BNC2: variants seen among roughly 807,000 people sequenced by gnomAD.
BNC2 encodes the protein basonuclin zinc finger protein 2.
BNC2 carries 20 observed loss-of-function variants against 76.3 expected under a neutral mutation model. That is an observed-to-expected ratio of 0.26 (90% CI 0.18 to 0.38). BNC2 has a LOEUF of 0.38. BNC2 is among the 10% of genes least tolerant of loss of function. BNC2 has a pLI of 1.00. For synonymous variants in BNC2, 582 were observed against 514.8 expected (o/e 1.13, Z -1.77); for missense variants, 1,382 against 1,399.8 (o/e 0.99, Z 0.20).
intron 1 of BNC2, among the ~76,000 whole-genome samples, chr9:16,861,205 T>TATA (rs1241413014): frequency 1.4e-5 from 2 of 141,518 alleles, no homozygotes; most frequent in African/African-American, 2.7e-5. Flanking sequence ...TATATATAAA[T>TATA]TAACCAGGCA....
intron 5 of BNC2, among the ~76,000 whole-genome samples, chr9:16,457,860 C>G (rs1821488291): frequency 1.3e-5 from 2 of 152,096 alleles, no homozygotes; most frequent in Non-Finnish European, 1.5e-5. Context: ...CCTGCTAACC[C>G]TTTTTTCCAC....
chr9:16,555,054 C>A (rs1818781626), intron 4 of BNC2, among the ~76,000 whole-genome samples: 1 of 147,836 alleles, frequency 6.8e-6, no homozygotes, highest in Non-Finnish European at 1.5e-5. Flanking sequence ...GAGTCTCGCT[C>A]TGTCGCCCAG....
chr9:16,819,227 A>C (rs903015608), intron 1 of BNC2, among the ~76,000 whole-genome samples: 2 of 152,246 alleles, frequency 1.3e-5, no homozygotes, highest in African/African-American at 4.8e-5. Flanking sequence ...GATTTTATTA[A>C]TTCAGGTATA....
intron 5 of BNC2, among the ~76,000 whole-genome samples, chr9:16,475,135 G>C (rs1821901983): frequency 6.6e-6 from 1 of 152,174 alleles, no homozygotes. Flanking sequence ...GAAAATAGCA[G>C]AGAATCTATT....
chr9:16,691,739 G>A (rs1327601366), intron 3 of BNC2, among the ~76,000 whole-genome samples: 2 of 151,172 alleles, frequency 1.3e-5, no homozygotes, highest in African/African-American at 4.9e-5. Context: ...TCGATCTCCT[G>A]ACCTCATGAT....
chr9:16,465,898 TTG>T (rs1223976819), intron 5 of BNC2, among the ~76,000 whole-genome samples: 1 of 150,600 alleles, frequency 6.6e-6, no homozygotes, highest in Non-Finnish European at 1.5e-5. Context: ...TTGTCCCTGT[TTG>T]CAGACGACAT....
chr9:16,595,687 A>G (rs544799885), intron 3 of BNC2, among the ~76,000 whole-genome samples: 83 of 152,284 alleles, frequency 5.5e-4, no homozygotes, highest in African/African-American at 1.9e-3. Context: ...GTGTGCTAGT[A>G]TGCTGAAAAA....
chr9:16,706,770 A>T lies in BNC2; in HGVS notation c.330+21027T>A, dbSNP rs185674785. Among the ~76,000 whole-genome samples, 748 of 152,120 alleles carry T rather than the reference A, an allele frequency of 4.9e-3. 1 individual carries two copies. Among genetic ancestry groups the T allele is most frequent in the East Asian group, 0.028 (147 of 5,166 alleles). On this transcript the variant is annotated intron_variant, in intron 3 of 6. Transcript: ENST00000380672. ...CATGAGAGGACAGCAATTAATTTTTAAAAAAAAGGAATTATACTTGACTGG... is the reference window on the plus strand; with the variant it reads ...CATGAGAGGACAGCAATTAATTTTTTAAAAAAAGGAATTATACTTGACTGG...
At chr9:16,708,396 T>C (rs562747727) in intron 3 of BNC2, among the ~76,000 whole-genome samples, 1 of 152,324 alleles carries the variant, frequency 6.6e-6, no homozygotes, top group South Asian at 2.1e-4. Flanking sequence ...CATACGTTAA[T>C]TTATTCTGCT....
At chr9:16,432,755 G>A (rs1820931547) in intron 6 of BNC2, among the ~76,000 whole-genome samples, 1 of 152,168 alleles carries the variant, frequency 6.6e-6, no homozygotes, top group Non-Finnish European at 1.5e-5. Context: ...AGGACAGCAG[G>A]ATTAAAGACA....
At chr9:16,427,905 C>A (rs1278102945) in intron 6 of BNC2, among the ~76,000 whole-genome samples, 1 of 152,168 alleles carries the variant, frequency 6.6e-6, no homozygotes, top group African/African-American at 2.4e-5. Flanking sequence ...GAACACCCGT[C>A]ATGAGAATAT....
At chr9:16,829,144 C>T (rs1818523284) in intron 1 of BNC2, among the ~76,000 whole-genome samples, 1 of 152,202 alleles carries the variant, frequency 6.6e-6, no homozygotes, top group Admixed American at 6.5e-5. Flanking sequence ...GGGACTGCAG[C>T]GGCCTCTGCG....
At chr9:16,766,311 G>A (rs776778199) in intron 1 of BNC2, among the ~76,000 whole-genome samples, 1 of 152,118 alleles carries the variant, frequency 6.6e-6, no homozygotes, top group Non-Finnish European at 1.5e-5. Flanking sequence ...CTTGGGGGAA[G>A]GTGGGAGGGA....
chr9:16,421,142 G>C, intron 6 of BNC2: 1 of 455,474 alleles, frequency 2.2e-6, no homozygotes, highest in African/African-American at 2.0e-5. Flanking sequence ...GTGCCTCAGA[G>C]ACAAGAAAGG....
At chr9:16,469,992 CTTTTT>C (rs201134930) in intron 5 of BNC2, among the ~76,000 whole-genome samples, 1 of 114,958 alleles carries the variant, frequency 8.7e-6, no homozygotes, top group South Asian at 2.9e-4. Context: ...TAATGGCATT[CTTTTT>C]TTTTTTTTTT....
At chr9:16,684,573 T>C (rs1473774220) in intron 3 of BNC2, among the ~76,000 whole-genome samples, 5 of 152,168 alleles carry the variant, frequency 3.3e-5, no homozygotes, top group Admixed American at 1.3e-4. Context: ...CTCTTCTCAT[T>C]TGTGGTTCTA....
At chr9:16,590,384 G>A (rs1252117188) in intron 3 of BNC2, among the ~76,000 whole-genome samples, 2 of 151,860 alleles carry the variant, frequency 1.3e-5, no homozygotes, top group Admixed American at 6.5e-5. Context: ...GTAGAGACAG[G>A]GTTTCACCAT....
intron 4 of BNC2, among the ~76,000 whole-genome samples, chr9:16,557,477 C>G (rs763964068): frequency 1.3e-5 from 2 of 150,124 alleles, no homozygotes; most frequent in Admixed American, 6.6e-5. Context: ...CTAGCCTGGG[C>G]GACAGAGTGA....
intron 5 of BNC2, among the ~76,000 whole-genome samples, chr9:16,487,122 GT>G (rs777991569): frequency 3.3e-5 from 5 of 152,210 alleles, no homozygotes; most frequent in Non-Finnish European, 5.9e-5. Flanking sequence ...CAAGTTACCT[GT>G]TTGCCTAAAG....
Sources: gnomAD v4.1 joint callset for allele counts (sites outside exome capture counted in the v4.1 genomes callset) on GRCh38, gnomAD v4.1.1 for gene constraint, MANE v1.5 for transcripts, NCBI Gene and HGNC (gene_info 2026-07-23, HGNC 2026-07-21) for gene names.